The following IL1RAPL2 variants were observed in gnomAD, a reference collection of about 807,000 sequenced individuals.
IL1RAPL2 encodes X-linked interleukin-1 receptor accessory protein-like 2.
IL1RAPL2 carries 3 observed loss-of-function variants against 44.1 expected under a neutral mutation model. That is an observed-to-expected ratio of 0.07 (90% CI 0.03 to 0.18). The LOEUF is 0.18. IL1RAPL2 is among the 10% of genes least tolerant of loss of function. IL1RAPL2 has a pLI of 1.00. For synonymous variants in IL1RAPL2, 181 were observed against 178.8 expected (o/e 1.01, Z -0.10); for missense variants, 391 against 496.4 (o/e 0.79, Z 2.02).
At chrX:104,761,791 G>C (rs1001093418) in intron 2 of IL1RAPL2, among the ~76,000 whole-genome samples, 1 of 108,455 alleles carries the variant, frequency 9.2e-6, no homozygotes, top group African/African-American at 3.4e-5. Flanking sequence ...ATCCAGCAGG[G>C]CAGTCAAATC....
At chrX:105,004,429 T>A (rs1196978700) in intron 2 of IL1RAPL2, among the ~76,000 whole-genome samples, 1 of 110,412 alleles carries the variant, frequency 9.1e-6, no homozygotes, top group Admixed American at 9.7e-5. Flanking sequence ...AGACTTCTTT[T>A]TCAAAAAAAA....
chrX:105,406,896 CAG>C, intron 5 of IL1RAPL2: 1 of 1,145,820 alleles, frequency 8.7e-7, no homozygotes, highest in Non-Finnish European at 1.2e-6. Flanking sequence ...ACTGTAACCT[CAG>C]AGGAGCAACT....
At chrX:105,142,236 A>G (rs1246212913) in intron 2 of IL1RAPL2, among the ~76,000 whole-genome samples, 3 of 112,079 alleles carry the variant, frequency 2.7e-5, no homozygotes, top group Non-Finnish European at 5.6e-5. Context: ...GCGAAGAAAA[A>G]TTGCACCTTT....
At chrX:105,015,582 A>G (rs2031157209) in intron 2 of IL1RAPL2, among the ~76,000 whole-genome samples, 2 of 111,705 alleles carry the variant, frequency 1.8e-5, no homozygotes, top group African/African-American at 6.5e-5. Flanking sequence ...TCCTTTCCCC[A>G]TTGCTTATTT....
chrX:105,163,403 C>T (rs202171788), intron 2 of IL1RAPL2, among the ~76,000 whole-genome samples: 22 of 111,796 alleles, frequency 2.0e-4, no homozygotes, highest in East Asian at 1.4e-3. Flanking sequence ...ACTGACATGA[C>T]TCCGGGTTTT....
At chrX:105,238,292 C>G (rs1373920993) in intron 4 of IL1RAPL2, among the ~76,000 whole-genome samples, 1 of 112,315 alleles carries the variant, frequency 8.9e-6, no homozygotes, top group Non-Finnish European at 1.9e-5. Context: ...TTAGGCCTAA[C>G]TTAAAATATG....
intron 1 of IL1RAPL2, among the ~76,000 whole-genome samples, chrX:104,577,816 G>C (rs1319790394): frequency 9.0e-6 from 1 of 110,817 alleles, no homozygotes; most frequent in African/African-American, 3.3e-5. Context: ...AGTCTGGCAA[G>C]GCCGGATAGT....
At chrX:105,759,657 T>C in intron 10 of IL1RAPL2, among the ~76,000 whole-genome samples, 1 of 112,317 alleles carries the variant, frequency 8.9e-6, no homozygotes, top group African/African-American at 3.2e-5. Flanking sequence ...AAAAGTATAA[T>C]GTCTGATTAC....
intron 6 of IL1RAPL2, among the ~76,000 whole-genome samples, chrX:105,596,462 T>C (rs2147820485): frequency 9.0e-6 from 1 of 111,507 alleles, no homozygotes; most frequent in Non-Finnish European, 1.9e-5. Flanking sequence ...TAATTGTGAA[T>C]TTTCCAGTTT....
intron 2 of IL1RAPL2, among the ~76,000 whole-genome samples, chrX:104,941,230 G>T (rs1337276347): frequency 1.8e-5 from 2 of 110,862 alleles, no homozygotes; most frequent in Non-Finnish European, 3.8e-5. Flanking sequence ...TAATGGAATG[G>T]CTGGGTCAAA....
intron 2 of IL1RAPL2, among the ~76,000 whole-genome samples, chrX:104,678,010 G>A (rs1930816931): frequency 8.9e-6 from 1 of 112,433 alleles, no homozygotes; most frequent in African/African-American, 3.2e-5. Flanking sequence ...ACTCCCTAGT[G>A]AGATGAACCC....
chrX:104,604,133 G>A (rs1251010169), intron 1 of IL1RAPL2, among the ~76,000 whole-genome samples: 1 of 112,208 alleles, frequency 8.9e-6, no homozygotes, highest in Non-Finnish European at 1.9e-5. Context: ...CAAGCCAGAA[G>A]AGAGTGGGGG....
chrX:105,225,693 TA>T (rs201622025), intron 3 of IL1RAPL2, among the ~76,000 whole-genome samples: 3 of 109,219 alleles, frequency 2.7e-5, no homozygotes, highest in African/African-American at 1.0e-4. Flanking sequence ...TATTTTATTT[TA>T]TTTTTTTTTC....
At chrX:104,620,276 A>G (rs1037637695) in intron 1 of IL1RAPL2, among the ~76,000 whole-genome samples, 1 of 110,569 alleles carries the variant, frequency 9.0e-6, no homozygotes, top group African/African-American at 3.3e-5. Context: ...CACCCCCACT[A>G]TAGAACTTCT....
intron 2 of IL1RAPL2, 133 bp downstream of exon 2, chrX:104,659,128 C>A: frequency 2.2e-6 from 1 of 449,291 alleles, no homozygotes; most frequent in East Asian, 3.8e-5. Context: ...TGGAAAGTAG[C>A]CAAAATAAAA....
intron 2 of IL1RAPL2, among the ~76,000 whole-genome samples, chrX:104,950,864 C>T (rs1031806624): frequency 6.3e-5 from 7 of 111,045 alleles, no homozygotes; most frequent in Admixed American, 1.9e-4. Context: ...CCCGCCACCT[C>T]GCCCGGCTAA....
intron 5 of IL1RAPL2, among the ~76,000 whole-genome samples, chrX:105,321,432 G>A (rs1603064676): frequency 9.0e-6 from 1 of 111,669 alleles, no homozygotes; most frequent in African/African-American, 3.3e-5. Flanking sequence ...TACATAATTT[G>A]CATGGCCCAG....
At chrX:105,207,633 T>C (rs543313040) in intron 3 of IL1RAPL2, among the ~76,000 whole-genome samples, 4 of 111,881 alleles carry the variant, frequency 3.6e-5, no homozygotes, top group African/African-American at 1.3e-4. Flanking sequence ...TAGCACTTTT[T>C]TCCTTTCAAG....
At chrX:105,084,776 C>A (rs1173297587) in intron 2 of IL1RAPL2, among the ~76,000 whole-genome samples, 1 of 110,837 alleles carries the variant, frequency 9.0e-6, no homozygotes, top group Non-Finnish European at 1.9e-5. Flanking sequence ...TTGGGAGGGG[C>A]CAGAGGCAGA....
Sources: allele counts gnomAD v4.1 joint callset (sites outside exome capture counted in the v4.1 genomes callset), GRCh38; gene constraint gnomAD v4.1.1; transcripts MANE v1.5; gene names NCBI Gene and HGNC (gene_info 2026-07-23, HGNC 2026-07-21).